Variants in TRAPPC9 observed in about 807,000 individuals in gnomAD.
TRAPPC9 encodes IKK2 binding protein.
A neutral mutation model predicts 124.0 loss-of-function variants in TRAPPC9; 83 were observed. That is an observed-to-expected ratio of 0.67 (90% confidence interval 0.56 to 0.80). The LOEUF (loss-of-function observed/expected upper bound fraction) is 0.80. Ranked by LOEUF, TRAPPC9 falls within the 30% of genes least tolerant of loss-of-function variation. The pLI is 0.00. For synonymous variants in TRAPPC9, 638 were observed against 617.5 expected, an observed-to-expected ratio of 1.03 and a Z score of -0.49; for missense variants, 1,302 against 1,508.3, an observed-to-expected ratio of 0.86 and a Z score of 2.27.
At chr8:140,002,771 C>A (rs1245789222) in intron 18 of TRAPPC9, among the ~76,000 whole-genome samples, 1 of 131,218 alleles carries the variant, frequency 7.6e-6, no homozygotes, top group Non-Finnish European at 1.6e-5. Context: ...TTATTTTTGA[C>A]TAAGAAGAGA....
rs529506135 is a variant in TRAPPC9 at position 139,977,495 on chromosome 8, G to A, written c.2810+11231C>T. On this transcript the variant is annotated intron_variant, in intron 19 of 22. Coordinates refer to ENST00000438773, the MANE Select transcript of TRAPPC9 (RefSeq NM_001160372.4). ...TAGCCGGGCGTGGTGGCGGGCGCCT[G>A]TAGTCCCAGCTACTCTGGAGGCTGA... 1.2e-3 allele frequency among the ~76,000 whole-genome samples: 179 copies of A among 151,694 alleles called. 1 individual carries two copies. The highest frequency in any genetic ancestry group is 4.2e-3 in the African/African-American group (175 of 41,444).
chr8:140,144,345 C>T (rs1419406430), intron 17 of TRAPPC9, among the ~76,000 whole-genome samples: 1 of 152,188 alleles, frequency 6.6e-6, no homozygotes, highest in Non-Finnish European at 1.5e-5. Context: ...ATCAGGTCTA[C>T]ATTTACATTT....
chr8:140,076,960 G>A (rs181370764), intron 17 of TRAPPC9, among the ~76,000 whole-genome samples: 206 of 152,208 alleles, frequency 1.4e-3, no homozygotes, highest in African/African-American at 4.6e-3. Context: ...AAGCACAGGA[G>A]TTTAAGACCA....
intron 17 of TRAPPC9, among the ~76,000 whole-genome samples, chr8:140,048,685 C>T (rs1391397155): frequency 1.3e-5 from 2 of 152,162 alleles, no homozygotes; most frequent in Non-Finnish European, 2.9e-5. Flanking sequence ...GAGTGGGAGA[C>T]TGAGGTTTAG....
chr8:139,951,026 G>A (rs1834608912), intron 19 of TRAPPC9, among the ~76,000 whole-genome samples: 1 of 152,166 alleles, frequency 6.6e-6, no homozygotes, highest in African/African-American at 2.4e-5. Context: ...CTTGGAGTCA[G>A]CCAGACCCAG....
At chr8:140,045,779 T>C (rs1384243416) in intron 17 of TRAPPC9, among the ~76,000 whole-genome samples, 3 of 151,506 alleles carry the variant, frequency 2.0e-5, no homozygotes, top group Non-Finnish European at 4.4e-5. Flanking sequence ...CACGCCCAGC[T>C]CAGCCTCGAG....
intron 17 of TRAPPC9, among the ~76,000 whole-genome samples, 169 bp from the exon 18 acceptor site, chr8:140,024,248 C>T (rs1469341690): frequency 1.3e-5 from 2 of 152,104 alleles, no homozygotes; most frequent in Non-Finnish European, 2.9e-5. Flanking sequence ...CTCACACCCC[C>T]GGCGGGGACC....
At chr8:140,407,102 C>T (rs773077184) in intron 5 of TRAPPC9, among the ~76,000 whole-genome samples, 1 of 152,198 alleles carries the variant, frequency 6.6e-6, no homozygotes, top group Admixed American at 6.5e-5. Context: ...CACGTGTCAT[C>T]ATCTACAGCA....
chr8:140,165,160 G>A (rs1454094181), intron 17 of TRAPPC9, among the ~76,000 whole-genome samples: 1 of 152,042 alleles, frequency 6.6e-6, no homozygotes, highest in Admixed American at 6.6e-5. Context: ...CAGTTCACCT[G>A]AATGAAACCC....
At chr8:140,444,867 G>GAAAAA (rs71320363) in intron 2 of TRAPPC9, among the ~76,000 whole-genome samples, 1 of 113,984 alleles carries the variant, frequency 8.8e-6, no homozygotes, top group African/African-American at 3.4e-5. Context: ...CCAATCTCAG[G>GAAAAA]AAAAAAAAAA....
At chr8:139,949,455 G>A (rs1022908044) in intron 19 of TRAPPC9, among the ~76,000 whole-genome samples, 1 of 152,180 alleles carries the variant, frequency 6.6e-6, no homozygotes, top group South Asian at 2.1e-4. Flanking sequence ...AGCACACACA[G>A]TAGCGTCATT....
chr8:139,876,518 G>C (rs1829332276), intron 21 of TRAPPC9, among the ~76,000 whole-genome samples: 2 of 152,192 alleles, frequency 1.3e-5, no homozygotes, highest in South Asian at 4.1e-4. Context: ...GCAAATACCA[G>C]GATCTGTGTA....
intron 21 of TRAPPC9, among the ~76,000 whole-genome samples, chr8:139,733,679 A>C (rs1363934467): frequency 6.6e-6 from 1 of 152,226 alleles, no homozygotes; most frequent in Non-Finnish European, 1.5e-5. Context: ...ACGCATAGGG[A>C]GAGCAGGTGG....
At chr8:140,094,213 A>T (rs774923770) in intron 17 of TRAPPC9, among the ~76,000 whole-genome samples, 1 of 152,208 alleles carries the variant, frequency 6.6e-6, no homozygotes, top group Non-Finnish European at 1.5e-5. Flanking sequence ...AAATAGCAAC[A>T]GGCACCGCTC....
intron 11 of TRAPPC9, among the ~76,000 whole-genome samples, chr8:140,294,843 T>C (rs781365374): frequency 4.6e-5 from 7 of 152,050 alleles, no homozygotes; most frequent in Non-Finnish European, 8.8e-5. Context: ...ACTCCTGACC[T>C]CAACTAATCC....
At chr8:139,874,755 G>C (rs1829210923) in intron 21 of TRAPPC9, among the ~76,000 whole-genome samples, 1 of 152,196 alleles carries the variant, frequency 6.6e-6, no homozygotes, top group Non-Finnish European at 1.5e-5. Context: ...CCAAAGGCCA[G>C]GCTTGGGAGT....
At chr8:139,822,786 C>T (rs1825342672) in intron 21 of TRAPPC9, among the ~76,000 whole-genome samples, 1 of 152,232 alleles carries the variant, frequency 6.6e-6, no homozygotes, top group South Asian at 2.1e-4. Context: ...GTAGTGTAAA[C>T]ATGAGCAAAG....
At chr8:140,399,831 G>C (rs2069208257) in intron 6 of TRAPPC9, among the ~76,000 whole-genome samples, 2 of 152,158 alleles carry the variant, frequency 1.3e-5, no homozygotes, top group African/African-American at 4.8e-5. Flanking sequence ...GCCAGGGGTG[G>C]AATGACAATA....
intron 21 of TRAPPC9, chr8:139,881,230 C>T (rs1829658499): frequency 6.6e-6 from 1 of 152,188 alleles, no homozygotes; most frequent in South Asian, 2.1e-4. Flanking sequence ...TGGACTACCC[C>T]TCCCTGGGGA....
Sources: allele counts gnomAD v4.1 joint callset (sites outside exome capture counted in the v4.1 genomes callset), GRCh38; gene constraint gnomAD v4.1.1; transcripts MANE v1.5; gene names NCBI Gene and HGNC (gene_info 2026-07-23, HGNC 2026-07-21).